VIPR2: variants seen among roughly 807,000 people sequenced by gnomAD.
VIPR2 encodes the protein vasoactive intestinal peptide receptor 2.
In VIPR2, 48 loss-of-function variants were observed where a neutral mutation model predicts 58.0. That is an observed-to-expected ratio of 0.83 (90% CI 0.66 to 1.05). The LOEUF is 1.05. VIPR2 is among the 50% of genes least tolerant of loss of function. The probability of loss-of-function intolerance (pLI) is 0.00; values close to 1 mark genes in which losing one functional copy is unlikely to be tolerated. For missense variants in VIPR2, 534 were observed against 558.0 expected, an observed-to-expected ratio of 0.96 and a Z score of 0.43; for synonymous variants, 243 against 235.2, an observed-to-expected ratio of 1.03 and a Z score of -0.30.
At position 159,097,279 on chromosome 7, in the gene VIPR2, C is replaced by A. The variant is rs914430949; in HGVS notation, c.357+6478G>T. ...CAGAGGCTTATTTTTAGGGATGTGG[C>A]GTAACACGGAAGAAATGTGTGCACT... On this transcript the variant is annotated intron_variant, in intron 4 of 12. Transcript: ENST00000262178. This position sits in a 1 kb window ranked among gnomAD's most constrained non-coding sequence, Gnocchi z 5.3. 1.3e-5 allele frequency: 17 copies of A among 1,355,612 alleles called. No individual in the cohort carries two copies. Among genetic ancestry groups the A allele is most frequent in the Non-Finnish European group, 1.5e-5 (16 of 1,053,604 alleles). The allele number at this position is 1,355,612 out of a possible 1,614,324, so 84.0% of individuals were successfully genotyped here. A position where few individuals can be genotyped will look rare whatever the true frequency, so the allele number is the denominator to read the frequency against.
intron 10 of VIPR2, among the ~76,000 whole-genome samples, chr7:159,032,484 A>G (rs1853656076): frequency 6.6e-6 from 1 of 152,194 alleles, no homozygotes; most frequent in Non-Finnish European, 1.5e-5. Context: ...TTAAATGATG[A>G]GAACCGATCC....
intron 4 of VIPR2, among the ~76,000 whole-genome samples, chr7:159,067,842 C>T (rs538189371): frequency 6.6e-6 from 1 of 152,378 alleles, no homozygotes; most frequent in African/African-American, 2.4e-5. Context: ...CTCATAGGTT[C>T]AAGGCTATCA....
intron 10 of VIPR2, 58 bp downstream of exon 10, chr7:159,034,155 T>A: frequency 6.4e-7 from 1 of 1,554,180 alleles, no homozygotes; most frequent in Non-Finnish European, 8.8e-7. Flanking sequence ...AGCGTGGGGG[T>A]CTCCTGTCTC....
At chr7:159,035,745 C>A in intron 8 of VIPR2, 1 of 985,456 alleles carries the variant, frequency 1.0e-6, no homozygotes, top group Non-Finnish European at 1.2e-6. Flanking sequence ...TGGCTCACTT[C>A]CTGTCTCCTG....
intron 9 of VIPR2, 113 bp downstream of exon 9, chr7:159,034,468 G>T: frequency 2.3e-6 from 3 of 1,317,982 alleles, no homozygotes; most frequent in African/African-American, 2.9e-5. Flanking sequence ...TTCCGGGAAG[G>T]CTGAGTGATG....
intron 4 of VIPR2, 88 bp downstream of exon 4, chr7:159,103,669 C>T (rs529529859): frequency 9.7e-7 from 1 of 1,027,254 alleles, no homozygotes; most frequent in African/African-American, 1.6e-5. Context: ...GGGGAAAAAT[C>T]TACATAATTC....
chr7:159,133,761 A>G (rs1481579644), intron 2 of VIPR2, among the ~76,000 whole-genome samples: 1 of 152,234 alleles, frequency 6.6e-6, no homozygotes, highest in Non-Finnish European at 1.5e-5. Flanking sequence ...TTATTTGCCT[A>G]AAGAAAATTA....
At chr7:159,074,633 C>T (rs957092072) in intron 4 of VIPR2, among the ~76,000 whole-genome samples, 7 of 152,150 alleles carry the variant, frequency 4.6e-5, no homozygotes, top group East Asian at 1.9e-4. Context: ...GTTACTGCAA[C>T]GTGAATAGAC....
chr7:159,034,182 C>G (rs1853767625), intron 10 of VIPR2, 31 bp downstream of exon 10: 1 of 1,609,168 alleles, frequency 6.2e-7, no homozygotes, highest in African/African-American at 1.3e-5. Context: ...GCATCCCCAT[C>G]AGGGACGGCC....
Position 159,093,355 on chromosome 7 carries a change from G to A in VIPR2, c.357+10402C>T, listed in dbSNP as rs1857608692. On this transcript the variant is annotated intron_variant, in intron 4 of 12. Coordinates refer to ENST00000262178, the MANE Select transcript of VIPR2 (RefSeq NM_003382.5). The surrounding 1 kb of genome is among the most constrained non-coding windows in gnomAD (Gnocchi z 6.7). ...GGGAAATGGGAAACTCAGACCAACCGTGTTTTAAGAAGCGTCCTTTAGTAG... is the reference window on the plus strand; with the variant it reads ...GGGAAATGGGAAACTCAGACCAACCATGTTTTAAGAAGCGTCCTTTAGTAG... Among the ~76,000 whole-genome samples, 1 of 152,196 alleles carries A rather than the reference G, an allele frequency of 6.6e-6. No homozygotes were observed. Among genetic ancestry groups the A allele is most frequent in the Non-Finnish European group, 1.5e-5 (1 of 68,038 alleles).
intron 4 of VIPR2, among the ~76,000 whole-genome samples, chr7:159,091,591 C>T (rs1251267180): frequency 6.6e-6 from 1 of 152,268 alleles, no homozygotes; most frequent in Non-Finnish European, 1.5e-5. Context: ...AAGCCCCGCC[C>T]TGCACGTCAC....
chr7:159,094,228 C>T (rs562703986), intron 4 of VIPR2, among the ~76,000 whole-genome samples: 182 of 152,300 alleles, frequency 1.2e-3, no homozygotes, highest in Non-Finnish European at 2.2e-3. Flanking sequence ...CACTTCCAGA[C>T]TCAGCAGAGG....
chr7:159,140,958 T>C (rs548974008), intron 2 of VIPR2, among the ~76,000 whole-genome samples: 2 of 152,312 alleles, frequency 1.3e-5, no homozygotes, highest in Non-Finnish European at 2.9e-5. Flanking sequence ...ATGTATTGTT[T>C]GCAAACTTTT....
At chr7:159,080,440 A>G (rs1488505776) in intron 4 of VIPR2, among the ~76,000 whole-genome samples, 2 of 152,250 alleles carry the variant, frequency 1.3e-5, no homozygotes, top group Non-Finnish European at 2.9e-5. Flanking sequence ...AAAACTCTCA[A>G]TAAATTAGGT....
Position 159,139,570 on chromosome 7 carries a change from C to T in VIPR2, c.151+2876G>A, listed in dbSNP as rs1797378885. On this transcript the variant is annotated intron_variant, in intron 2 of 12. Transcript: ENST00000262178. ...GACATGTAGATCGAAATTAGTTCAGCATCCATTGTTTTAAAAAAAATCAAA... is the reference window on the plus strand; with the variant it reads ...GACATGTAGATCGAAATTAGTTCAGTATCCATTGTTTTAAAAAAAATCAAA... Among the ~76,000 whole-genome samples the T allele has an allele frequency of 2.0e-5, 3 of 152,216 alleles. No homozygotes were observed. In the South Asian group the frequency reaches 6.2e-4, roughly 32 times the overall value.
At chr7:159,114,941 A>G (rs1796182527) in intron 2 of VIPR2, among the ~76,000 whole-genome samples, 1 of 152,246 alleles carries the variant, frequency 6.6e-6, no homozygotes, top group East Asian at 1.9e-4. Context: ...GGTACCTGCA[A>G]TTCATTATTA....
rs377245070 is a variant in VIPR2 at position 159,101,267 on chromosome 7, T to A, written c.357+2490A>T. Among the ~76,000 whole-genome samples the A allele has an allele frequency of 1.1e-4, 9 of 83,144 alleles. No homozygotes were observed. The South Asian group carries it at 1.3e-3, about 12-fold the overall frequency. The allele number at this position is 83,144 out of a possible 152,430, so 54.5% of individuals were successfully genotyped here. ...AGTGAACGGGTCTCACGAGATCCGA[T>A]GAGGCGGTTCCCCCGACTGTTCCTG... is the stretch of plus-strand genomic sequence containing the variant. On this transcript the variant is annotated intron_variant, in intron 4 of 12. Transcript: ENST00000262178.
intron 4 of VIPR2, among the ~76,000 whole-genome samples, chr7:159,084,823 T>C (rs1035691934): frequency 6.6e-6 from 1 of 152,232 alleles, no homozygotes; most frequent in African/African-American, 2.4e-5. Flanking sequence ...TGTTTTTGCC[T>C]TAGAAGTCGA....
chr7:159,056,862 G>T (rs553999671), intron 5 of VIPR2, among the ~76,000 whole-genome samples: 3 of 152,204 alleles, frequency 2.0e-5, no homozygotes, highest in Non-Finnish European at 2.9e-5. Context: ...GACGTGGGAT[G>T]AGCCCCAAGC....
Sources: gnomAD v4.1 joint callset for allele counts (sites outside exome capture counted in the v4.1 genomes callset) on GRCh38, gnomAD v4.1.1 for gene constraint, Gnocchi (gnomAD v3.1) non-coding constraint, MANE v1.5 for transcripts, NCBI Gene and HGNC (gene_info 2026-07-23, HGNC 2026-07-21) for gene names.